Variants in LTBP1 observed in about 807,000 individuals in gnomAD.
LTBP1 encodes the protein latent-transforming growth factor beta-binding protein 1.
Under a neutral mutation model 207.6 loss-of-function variants are expected in LTBP1, and 129 were observed. The ratio of observed to expected loss-of-function variants is 0.62; its 90% CI spans 0.54 to 0.72. The LOEUF (loss-of-function observed/expected upper bound fraction) is 0.72. Among genes scored for constraint, LTBP1 ranks in the 30% least tolerant of loss-of-function variants. The pLI, the probability that LTBP1 is intolerant of heterozygous loss-of-function variation, is 0.00. For synonymous variants in LTBP1, 963 were observed against 833.7 expected (o/e 1.16, Z -2.67); for missense variants, 2,281 against 2,217.2 (o/e 1.03, Z -0.58).
intron 32 of LTBP1, among the ~76,000 whole-genome samples, chr2:33,389,510 C>A (rs1198433286): frequency 2.6e-5 from 4 of 151,592 alleles, no homozygotes; most frequent in Non-Finnish European, 4.4e-5. Context: ...AGAACCACTG[C>A]ATCATTCGTG....
At chr2:33,208,020 C>A (rs567721080) in intron 7 of LTBP1, among the ~76,000 whole-genome samples, 1 of 152,220 alleles carries the variant, frequency 6.6e-6, no homozygotes, top group Non-Finnish European at 1.5e-5. Context: ...CAGTACTTTT[C>A]CCATAGGGGA....
rs544051482 is a variant in LTBP1, at chr2:33,334,760, T to C, written c.3731-8078T>C. ...CTGGAATATAGGATTGAGGCTTGTC[T>C]GGGTAATTTTTACAGAATAATTTAA... On this transcript the variant is annotated intron_variant, in intron 24 of 33. Coordinates refer to ENST00000404816, the MANE Select transcript of LTBP1 (RefSeq NM_206943.4). Among the ~76,000 whole-genome samples the C allele has an allele frequency of 1.8e-3, 268 of 152,162 alleles. 1 individual carries two copies. The highest frequency in any genetic ancestry group is 2.7e-3 in the Non-Finnish European group (181 of 67,998).
At chr2:33,107,539 A>G (rs1011278463) in intron 3 of LTBP1, among the ~76,000 whole-genome samples, 8 of 152,200 alleles carry the variant, frequency 5.3e-5, no homozygotes, top group African/African-American at 1.9e-4. Flanking sequence ...TATAGGATTG[A>G]GGAGATGTCT....
intron 10 of LTBP1, among the ~76,000 whole-genome samples, chr2:33,251,767 T>G (rs923605529): frequency 5.3e-5 from 8 of 150,350 alleles, no homozygotes; most frequent in Non-Finnish European, 1.2e-4. Context: ...AGAGCTTTGG[T>G]TGGGTTTGGG....
At chr2:33,002,297 G>A (rs75305100) in intron 2 of LTBP1, among the ~76,000 whole-genome samples, 5,983 of 152,298 alleles carry the variant, frequency 0.039, 198 homozygotes, top group Non-Finnish European at 0.066. Context: ...AGTTAATAAG[G>A]TGGTTACATT....
intron 5 of LTBP1, among the ~76,000 whole-genome samples, chr2:33,169,024 A>C (rs372050914): frequency 6.6e-6 from 1 of 152,208 alleles, no homozygotes; most frequent in Non-Finnish European, 1.5e-5. Flanking sequence ...GAAAGTAATG[A>C]TCCATGGAGG....
chr2:33,117,050 G>A (rs1182515630), intron 4 of LTBP1, among the ~76,000 whole-genome samples: 1 of 152,068 alleles, frequency 6.6e-6, no homozygotes, highest in South Asian at 2.1e-4. Flanking sequence ...CATCAATCAC[G>A]GGCTGACTGA....
chr2:33,203,853 CTG>C (rs1011024500), intron 7 of LTBP1, among the ~76,000 whole-genome samples: 1 of 152,226 alleles, frequency 6.6e-6, no homozygotes, highest in Middle Eastern at 3.4e-3. Context: ...TTTATGGTCA[CTG>C]TGTTTGAAGA....
intron 32 of LTBP1, among the ~76,000 whole-genome samples, chr2:33,392,080 G>T (rs2095319338): frequency 6.6e-6 from 1 of 152,140 alleles, no homozygotes; most frequent in African/African-American, 2.4e-5. Context: ...CGCCTTTATG[G>T]TTCACCATCT....
intron 3 of LTBP1, among the ~76,000 whole-genome samples, chr2:33,032,670 AAC>A (rs2075744540): frequency 6.6e-6 from 1 of 152,242 alleles, no homozygotes. Context: ...TAAAATAAGT[AAC>A]AGTATGACAC....
intron 9 of LTBP1, among the ~76,000 whole-genome samples, chr2:33,228,640 G>A (rs2091589623): frequency 6.8e-6 from 1 of 147,022 alleles, no homozygotes; most frequent in African/African-American, 2.5e-5. Flanking sequence ...CACAGAGAAA[G>A]TAAATAACTT....
chr2:33,021,763 A>G (rs1029254531), intron 3 of LTBP1, among the ~76,000 whole-genome samples: 3 of 151,950 alleles, frequency 2.0e-5, no homozygotes, highest in African/African-American at 7.2e-5. Context: ...TTGGTGAATG[A>G]GCTTGTTTTC....
intron 2 of LTBP1, among the ~76,000 whole-genome samples, chr2:32,973,867 T>C (rs1315856663): frequency 6.6e-6 from 1 of 152,208 alleles, no homozygotes; most frequent in Non-Finnish European, 1.5e-5. Flanking sequence ...TGTGCCTGGC[T>C]TATTTCATGT....
At chr2:33,254,870 T>TTTC (rs2092801718) in intron 11 of LTBP1, among the ~76,000 whole-genome samples, 1 of 123,634 alleles carries the variant, frequency 8.1e-6, no homozygotes, top group Non-Finnish European at 1.7e-5. Context: ...TTTTTTTTTT[T>TTTC]TTTTTTTTTT....
chr2:33,373,662 T>A (rs902865083), intron 31 of LTBP1, among the ~76,000 whole-genome samples: 19 of 152,192 alleles, frequency 1.2e-4, no homozygotes, highest in Non-Finnish European at 2.1e-4. Context: ...AAGAGATAAG[T>A]AAATGATCTG....
intron 7 of LTBP1, among the ~76,000 whole-genome samples, chr2:33,198,566 C>T (rs1246626996): frequency 6.6e-6 from 1 of 152,198 alleles, no homozygotes; most frequent in African/African-American, 2.4e-5. Flanking sequence ...ATTATTGCCA[C>T]CATTTCAGAT....
intron 5 of LTBP1, among the ~76,000 whole-genome samples, chr2:33,158,162 A>AGAGAGAG (rs1288081633): frequency 3.6e-5 from 5 of 140,628 alleles, no homozygotes; most frequent in Non-Finnish European, 6.5e-5. Context: ...AAAAAAAAAA[A>AGAGAGAG]AAAGAGAGAG....
At chr2:33,043,058 C>G (rs1156763254) in intron 3 of LTBP1, among the ~76,000 whole-genome samples, 3 of 152,182 alleles carry the variant, frequency 2.0e-5, no homozygotes, top group Non-Finnish European at 4.4e-5. Context: ...GAGCTCTTCT[C>G]AGCCTCAGGG....
intron 5 of LTBP1, among the ~76,000 whole-genome samples, chr2:33,136,346 G>A (rs1161680825): frequency 9.2e-5 from 14 of 152,166 alleles, no homozygotes; most frequent in South Asian, 2.1e-4. Context: ...TAGCTAATCC[G>A]TAGGGCATGC....
Sources: gnomAD v4.1 joint callset for allele counts (sites outside exome capture counted in the v4.1 genomes callset) on GRCh38, gnomAD v4.1.1 for gene constraint, MANE v1.5 for transcripts, NCBI Gene and HGNC (gene_info 2026-07-23, HGNC 2026-07-21) for gene names.